IQGAP2: variants seen among roughly 807,000 people sequenced by gnomAD.
IQGAP2 encodes the protein ras GTPase-activating-like protein IQGAP2.
IQGAP2 carries 173 observed loss-of-function variants against 201.3 expected under a neutral mutation model. That is an observed-to-expected ratio of 0.86 (90% CI 0.76 to 0.98). The LOEUF (loss-of-function observed/expected upper bound fraction) is 0.98, where lower values mean the gene tolerates loss of function less well. Ranked by LOEUF, IQGAP2 falls within the 50% of genes least tolerant of loss-of-function variation. The pLI is 0.00. For missense variants in IQGAP2, 1,687 were observed against 1,864.8 expected, an observed-to-expected ratio of 0.90 and a Z score of 1.76; for synonymous variants, 675 against 673.9, an observed-to-expected ratio of 1.00 and a Z score of -0.03.
chr5:76,460,478 G>A (rs1223980288), intron 1 of IQGAP2, among the ~76,000 whole-genome samples: 2 of 152,118 alleles, frequency 1.3e-5, no homozygotes, highest in African/African-American at 2.4e-5. Flanking sequence ...GAAGTAATAA[G>A]GAAGACGCTT....
At chr5:76,412,687 A>T (rs1751187722) in intron 1 of IQGAP2, among the ~76,000 whole-genome samples, 1 of 152,206 alleles carries the variant, frequency 6.6e-6, no homozygotes. Flanking sequence ...ATTTGCTGTT[A>T]TGACAGGTTT....
At chr5:76,638,844 A>T (rs1297676530) in intron 16 of IQGAP2, among the ~76,000 whole-genome samples, 1 of 152,210 alleles carries the variant, frequency 6.6e-6, no homozygotes, top group Admixed American at 6.5e-5. Context: ...AGTGAGGTAG[A>T]TCTTGCCGAA....
At position 76,654,261 on chromosome 5, in the gene IQGAP2, T is replaced by C; in HGVS notation, c.2240T>C (p.Phe747Ser). 1 of 1,605,900 alleles carries C rather than the reference T, an allele frequency of 6.2e-7. No individual in the cohort carries two copies. The highest frequency in any genetic ancestry group is 8.5e-7 in the Non-Finnish European group (1 of 1,174,534). Reference protein sequence around the residue: ...RKSYLSRLQYFRDHNNEIVKI... With the variant: ...RKSYLSRLQYSRDHNNEIVKI... Reference sequence around the variant, plus strand: ...AGCTATCTTTCAAGACTACAGTATTTCAGAGATCATGTAAGAAAAATGCCT... The same window carrying C: ...AGCTATCTTTCAAGACTACAGTATTCCAGAGATCATGTAAGAAAAATGCCT... Residue 747 changes from phenylalanine (F) to serine (S), a missense_variant, in exon 19 of 36, where the codon TTC becomes TCC. Phe to Ser is a radical substitution (Grantham distance 155, BLOSUM62 -2). Transcript: ENST00000274364.
At chr5:76,428,924 C>T (rs1420843503) in intron 1 of IQGAP2, among the ~76,000 whole-genome samples, 1 of 151,790 alleles carries the variant, frequency 6.6e-6, no homozygotes, top group East Asian at 1.9e-4. Flanking sequence ...GAAACCCCAC[C>T]TCTGCTAAAA....
intron 1 of IQGAP2, among the ~76,000 whole-genome samples, chr5:76,415,581 A>G (rs139442367): frequency 2.2e-4 from 33 of 152,356 alleles, no homozygotes; most frequent in African/African-American, 7.9e-4. Flanking sequence ...GTACATGCAT[A>G]GAGAATGAGG....
intron 28 of IQGAP2, among the ~76,000 whole-genome samples, chr5:76,680,991 A>G (rs886149670): frequency 6.8e-6 from 1 of 147,978 alleles, no homozygotes; most frequent in African/African-American, 2.5e-5. Context: ...CTGTAATCCC[A>G]GCTACTCGGA....
chr5:76,601,091 A>G (rs1048443078), intron 11 of IQGAP2, 119 bp downstream of exon 11: 2 of 929,462 alleles, frequency 2.2e-6, no homozygotes, highest in African/African-American at 3.4e-5. Context: ...TTTCTTGAAA[A>G]CTAGTCTGTT....
chr5:76,672,752 C>T (rs916708937), intron 24 of IQGAP2, among the ~76,000 whole-genome samples: 2 of 152,018 alleles, frequency 1.3e-5, no homozygotes, highest in Non-Finnish European at 2.9e-5. Context: ...CATCAATATG[C>T]GAGGCCCACA....
Position 76,632,018 on chromosome 5 carries a change from C to A in IQGAP2, c.1772C>A (p.Ser591Tyr). The A allele has an allele frequency of 6.2e-7, 1 of 1,603,678 alleles. No homozygotes were observed. The highest frequency in any genetic ancestry group is 1.3e-5 in the African/African-American group (1 of 74,502). ...CTTGTGAAGGCAAAAGAGCTCAAATCTGAAAGAGGTAAGTTGGTTTGTTAC... is the reference window on the plus strand; with the variant it reads ...CTTGTGAAGGCAAAAGAGCTCAAATATGAAAGAGGTAAGTTGGTTTGTTAC... ...DALVKAKELK[S>Y]ERVSSDGSWL... is the part of the protein sequence containing the mutation. Residue 591 changes from serine (S) to tyrosine (Y), a missense_variant, in exon 15 of 36, where the codon TCT becomes TAT. By Grantham distance (144) the Ser-to-Tyr change is moderately radical (BLOSUM62 -2). Transcript: ENST00000274364.
rs111655897 is a variant in IQGAP2 at position 76,590,417 on chromosome 5, C to T, written c.650C>T (p.Ala217Val). The change falls in exon 8 of 36, where the codon GCA (alanine) becomes GTA (valine). Residue 217 changes from alanine (A) to valine (V), a missense_variant. Transcript: ENST00000274364. ...TCTCTTTACTTTTTAGTACATGCTGCAGTTATAGCCATTAATGAAGCAGTT... is the reference window on the plus strand; with the variant it reads ...TCTCTTTACTTTTTAGTACATGCTGTAGTTATAGCCATTAATGAAGCAGTT... ...LSVDEAALHA[A>V]VIAINEAVEK... The T allele has an allele frequency of 6.3e-7, 1 of 1,599,190 alleles. No homozygotes were observed. Among genetic ancestry groups the T allele is most frequent in the South Asian group, 1.1e-5 (1 of 87,982 alleles).
chr5:76,463,501 G>C (rs1054893759), intron 2 of IQGAP2, among the ~76,000 whole-genome samples: 1 of 152,186 alleles, frequency 6.6e-6, no homozygotes, highest in Non-Finnish European at 1.5e-5. Context: ...TTTAAAGAAG[G>C]TGAAAGTATT....
At chr5:76,475,415 CA>C (rs1755358347) in intron 2 of IQGAP2, among the ~76,000 whole-genome samples, 1 of 152,168 alleles carries the variant, frequency 6.6e-6, no homozygotes, top group Non-Finnish European at 1.5e-5. Context: ...TGTTGGGGCT[CA>C]GACACTGATG....
At chr5:76,429,957 A>G (rs1361813539) in intron 1 of IQGAP2, among the ~76,000 whole-genome samples, 1 of 152,000 alleles carries the variant, frequency 6.6e-6, no homozygotes, top group Non-Finnish European at 1.5e-5. Flanking sequence ...CCATCTAGGT[A>G]GAGAGAGTAG....
chr5:76,412,981 G>A (rs1336650348), intron 1 of IQGAP2, among the ~76,000 whole-genome samples: 1 of 151,880 alleles, frequency 6.6e-6, no homozygotes, highest in Non-Finnish European at 1.5e-5. Flanking sequence ...CACCTAAAGG[G>A]CAGGGATGGT....
At chr5:76,575,911 C>T (rs1745438518) in intron 5 of IQGAP2, 142 bp downstream of exon 5, 2 of 455,312 alleles carry the variant, frequency 4.4e-6, no homozygotes, top group African/African-American at 4.1e-5. Context: ...TTTGCTGGTA[C>T]AAAATTAAAA....
chr5:76,650,107 TC>T (rs959453687), intron 17 of IQGAP2, among the ~76,000 whole-genome samples: 29 of 152,246 alleles, frequency 1.9e-4, no homozygotes, highest in African/African-American at 7.0e-4. Flanking sequence ...CTCCTAGGCT[TC>T]CCAGCCTGTG....
At chr5:76,665,751 A>C (rs1281127659) in intron 22 of IQGAP2, among the ~76,000 whole-genome samples, 1 of 152,194 alleles carries the variant, frequency 6.6e-6, no homozygotes, top group African/African-American at 2.4e-5. Context: ...AGTGTTGGTG[A>C]GAACTGATAA....
chr5:76,410,383 C>G (rs566889869), intron 1 of IQGAP2, among the ~76,000 whole-genome samples: 75 of 152,206 alleles, frequency 4.9e-4, no homozygotes, highest in African/African-American at 1.7e-3. Context: ...ACTGATGTAC[C>G]TTCTTGTTCT....
At chr5:76,513,730 G>A (rs1758131065) in intron 2 of IQGAP2, among the ~76,000 whole-genome samples, 1 of 152,218 alleles carries the variant, frequency 6.6e-6, no homozygotes, top group Admixed American at 6.5e-5. Context: ...AATAGGTGGA[G>A]CATGGAGGAT....
Sources: gnomAD v4.1 joint callset for allele counts (sites outside exome capture counted in the v4.1 genomes callset) on GRCh38, gnomAD v4.1.1 for gene constraint, MANE v1.5 for transcripts, NCBI Gene and HGNC (gene_info 2026-07-23, HGNC 2026-07-21) for gene names.